The following TMEM175 variants were observed in gnomAD, a reference collection of about 807,000 sequenced individuals.
The protein encoded by TMEM175 is endosomal/lysosomal proton channel TMEM175.
A neutral mutation model predicts 36.5 loss-of-function variants in TMEM175; 36 were observed. That is an observed-to-expected ratio of 0.99 (90% CI 0.76 to 1.30). TMEM175 has a LOEUF of 1.30. Ranked by LOEUF, TMEM175 falls within the 50% of genes most tolerant of loss-of-function variation. The probability of loss-of-function intolerance (pLI) is 0.00; values close to 1 mark genes in which losing one functional copy is unlikely to be tolerated. For missense variants in TMEM175, 705 were observed against 692.8 expected (o/e 1.02, Z -0.20); for synonymous variants, 339 against 313.4 (o/e 1.08, Z -0.86).
intron 9 of TMEM175, 87 bp downstream of exon 9, chr4:955,570 G>C (rs1729507491): frequency 6.7e-7 from 1 of 1,488,984 alleles, no homozygotes; most frequent in Non-Finnish European, 9.2e-7. Context: ...CTGTCCGTGG[G>C]CCGAGGCCCG....
chr4:940,053 A>G (rs1727246574), intron 1 of TMEM175, among the ~76,000 whole-genome samples: 2 of 152,256 alleles, frequency 1.3e-5, no homozygotes, highest in Admixed American at 6.5e-5. Context: ...AAGGAACCTT[A>G]AATGCATATT....
At chr4:956,408 C>G in intron 10 of TMEM175, 1 of 1,288,852 alleles carries the variant, frequency 7.8e-7, no homozygotes, top group South Asian at 1.2e-5. Flanking sequence ...GAGCGCGCGT[C>G]TCGTCTCAGT....
intron 1 of TMEM175, among the ~76,000 whole-genome samples, chr4:939,352 G>A (rs937148261): frequency 1.4e-4 from 22 of 151,828 alleles, no homozygotes; most frequent in Middle Eastern, 3.4e-3. Flanking sequence ...AGGCTGAGGC[G>A]GGCAGATCAC....
intron 10 of TMEM175, chr4:956,600 GC>G: frequency 1.6e-6 from 1 of 626,506 alleles, no homozygotes; most frequent in Non-Finnish European, 2.4e-6. Context: ...CCACCACCAT[GC>G]CCAGCTAACT....
Position 958,159 on chromosome 4 carries a change from T to C in TMEM175, c.1178T>C (p.Met393Thr), listed in dbSNP as rs34311866. ...CTGGCCAGCATCTTCCAGCTGGCCA[T>C]GTGGACCACGGCGCTGCTGCACCAG... ...IFLASIFQLA[M>T]WTTALLHQAE... The change falls in exon 11 of 11, where the codon ATG becomes ACG. Residue 393 changes from methionine to threonine, a missense_variant. Coordinates refer to ENST00000264771, the MANE Select transcript of TMEM175 (RefSeq NM_032326.4). The C allele has an allele frequency of 0.18, 290,054 of 1,603,214 alleles. 29,080 individuals are homozygous for C. Among genetic ancestry groups the C allele is most frequent in the South Asian group, 0.33 (29,769 of 90,994 alleles).
chr4:951,951 C>A, intron 6 of TMEM175: 1 of 597,696 alleles, frequency 1.7e-6, no homozygotes, highest in South Asian at 2.0e-5. Context: ...AGCTCCCACC[C>A]GGCCCTGAGC....
chr4:941,007 A>AAGT, intron 1 of TMEM175, among the ~76,000 whole-genome samples: 1 of 131,858 alleles, frequency 7.6e-6, no homozygotes, highest in South Asian at 2.5e-4. Context: ...CTCCGTCTCA[A>AAGT]AATAATAATA....
chr4:947,614 C>A (rs6854256), intron 1 of TMEM175, 95 bp from the exon 2 acceptor site: 20 of 937,908 alleles, frequency 2.1e-5, no homozygotes, highest in Non-Finnish European at 3.0e-5. Flanking sequence ...AAGCCCCCCC[C>A]CATACCAGTC....
rs1434274928 is a variant in TMEM175 at position 958,471 on chromosome 4, C to G, written c.1490C>G (p.Ser497Cys). 4 of 1,558,466 alleles carry G rather than the reference C, an allele frequency of 2.6e-6. No individual in the cohort carries two copies. The highest frequency in any genetic ancestry group is 3.7e-5 in the Admixed American group (2 of 53,746). The change falls in exon 11 of 11, where the codon TCC (serine) becomes TGC (cysteine). Residue 497 changes from serine (S) to cysteine (C), a missense_variant. Ser to Cys is a moderately radical substitution (Grantham distance 112). Transcript: ENST00000264771. ...CCCACGGGCCAGGACGACCCACAGT[C>G]CCAGCTCCTCCCTGCCCCCTGCTAG... is the stretch of plus-strand genomic sequence containing the variant. ...PAPTGQDDPQSQLLPAPC is the reference protein window; with the variant it reads ...PAPTGQDDPQCQLLPAPC
rs1214829174 is a variant in TMEM175, at chr4:955,883, G to A, written c.835G>A (p.Asp279Asn). 1 of 1,613,456 alleles carries A rather than the reference G, an allele frequency of 6.2e-7. No homozygotes were observed. Among genetic ancestry groups the A allele is most frequent in the Non-Finnish European group, 8.5e-7 (1 of 1,179,496 alleles). ...YAIVATLLIL[D>N]ICEDNVPDPK... ...CATCGTGGCCACGCTTCTCATCCTGGACATCTGGTGAGGACCCCGCGTCAC... is the reference window on the plus strand; with the variant it reads ...CATCGTGGCCACGCTTCTCATCCTGAACATCTGGTGAGGACCCCGCGTCAC... Residue 279 changes from aspartate (D) to asparagine (N), a missense_variant, in exon 10 of 11, where the codon GAC becomes AAC. Asp to Asn is a conservative substitution (Grantham distance 23). Coordinates refer to ENST00000264771, the MANE Select transcript of TMEM175 (RefSeq NM_032326.4).
chr4:944,797 G>C (rs1047547326), intron 1 of TMEM175, among the ~76,000 whole-genome samples: 1 of 152,088 alleles, frequency 6.6e-6, no homozygotes, highest in Admixed American at 6.6e-5. Flanking sequence ...ATGTGTTTTA[G>C]TTTTATTGTT....
Position 958,254 on chromosome 4 carries a change from C to A in TMEM175, c.1273C>A (p.Leu425Met). The change falls in exon 11 of 11, where the codon CTG becomes ATG. Residue 425 changes from leucine to methionine, a missense_variant. Leu to Met is a conservative substitution (Grantham distance 15). Coordinates refer to ENST00000264771, the MANE Select transcript of TMEM175 (RefSeq NM_032326.4). Reference protein sequence around the residue: ...EHVLMFAKLALYPCASLLAFA... With the variant: ...EHVLMFAKLAMYPCASLLAFA... The stretch of plus-strand genomic sequence containing the variant: ...TGTGCTCATGTTCGCCAAGCTGGCG[C>A]TGTACCCCTGTGCCAGCCTGCTGGC... 1 of 1,606,214 alleles carries A rather than the reference C, an allele frequency of 6.2e-7. No homozygotes were observed. The highest frequency in any genetic ancestry group is 8.5e-7 in the Non-Finnish European group (1 of 1,179,230).
At chr4:939,943 AG>A (rs1455782116) in intron 1 of TMEM175, among the ~76,000 whole-genome samples, 10 of 152,348 alleles carry the variant, frequency 6.6e-5, no homozygotes, top group African/African-American at 2.4e-4. Context: ...TGTTGAAAAT[AG>A]CCCATATGAA....
At chr4:950,790 G>A (rs991102057) in intron 4 of TMEM175, among the ~76,000 whole-genome samples, 10 of 147,932 alleles carry the variant, frequency 6.8e-5, no homozygotes, top group Non-Finnish European at 1.3e-4. Flanking sequence ...GTAGGCGGAG[G>A]TGTGGATGGT....
Position 952,439 on chromosome 4 carries a change from G to A in TMEM175, c.451G>A (p.Gly151Arg), listed in dbSNP as rs368095512. The A allele has an allele frequency of 2.3e-5, 37 of 1,588,130 alleles. No homozygotes were observed. The African/African-American group carries it at 3.3e-4, about 14-fold the overall frequency. ...GTTCTGTGTGTGTGTGATCGCCATTGGGGTCGTGCAGGTAGGGGGCCTGGG... is the reference window on the plus strand; with the variant it reads ...GTTCTGTGTGTGTGTGATCGCCATTAGGGTCGTGCAGGTAGGGGGCCTGGG... ...FLFCVCVIAIGVVQALIVGYA... is the reference protein window; with the variant it reads ...FLFCVCVIAIRVVQALIVGYA... Residue 151 changes from glycine to arginine, a missense_variant, in exon 7 of 11, where the codon GGG becomes AGG. By Grantham distance (125) the Gly-to-Arg change is moderately radical. Transcript: ENST00000264771.
chr4:957,954 T>G lies in TMEM175; in HGVS notation c.973T>G (p.Phe325Val). The part of the protein sequence containing the change: ...GSFATVGLLW[F>V]AHHSLFLHVR... ...CTTCGCCACAGTGGGACTGCTGTGG[T>G]TCGCCCACCACTCACTCTTCCTGCA... Residue 325 changes from phenylalanine to valine, a missense_variant, in exon 11 of 11, where the codon TTC becomes GTC. Transcript: ENST00000264771. The G allele has an allele frequency of 6.2e-7, 1 of 1,612,788 alleles. No individual in the cohort carries two copies. The highest frequency in any genetic ancestry group is 1.1e-5 in the South Asian group (1 of 91,088).
rs773566892 is a variant in TMEM175 at position 957,847 on chromosome 4, A to C, written c.866A>C (p.Lys289Thr). Residue 289 changes from lysine to threonine, a missense_variant, in exon 11 of 11, where the codon AAG (lysine) becomes ACG (threonine). Lys to Thr is a moderately conservative substitution (Grantham distance 78, BLOSUM62 -1). Transcript: ENST00000264771. ...DICEDNVPDP[K>T]DVKERFSGSL... ...AGCGAAGACAACGTCCCGGACCCCAAGGATGTGAAGGAGAGGTTCAGCGGC... is the reference window on the plus strand; with the variant it reads ...AGCGAAGACAACGTCCCGGACCCCACGGATGTGAAGGAGAGGTTCAGCGGC... The C allele has an allele frequency of 6.2e-7, 1 of 1,611,348 alleles. No individual in the cohort carries two copies. Among genetic ancestry groups the C allele is most frequent in the Admixed American group, 1.7e-5 (1 of 59,868 alleles).
intron 3 of TMEM175, among the ~76,000 whole-genome samples, chr4:950,071 G>A (rs975915919): frequency 6.6e-6 from 1 of 152,056 alleles, no homozygotes; most frequent in African/African-American, 2.4e-5. Context: ...AGCAGACACC[G>A]AGCCCATTAA....
At chr4:948,245 C>A (rs775069668) in intron 3 of TMEM175, 91 bp downstream of exon 3, 1 of 1,609,634 alleles carries the variant, frequency 6.2e-7, no homozygotes, top group Non-Finnish European at 8.5e-7. Flanking sequence ...TGACCCTGCA[C>A]GCCTCGAAGC....
Sources: allele counts gnomAD v4.1 joint callset (sites outside exome capture counted in the v4.1 genomes callset), GRCh38; gene constraint gnomAD v4.1.1; transcripts MANE v1.5; gene names NCBI Gene and HGNC (gene_info 2026-07-23, HGNC 2026-07-21).